DNAAF1: variants seen among roughly 807,000 people sequenced by gnomAD.
DNAAF1 encodes the protein dynein axonemal assembly factor 1.
Under a neutral mutation model 71.1 loss-of-function variants are expected in DNAAF1, and 65 were observed. That is an observed-to-expected ratio of 0.91 (90% CI 0.75 to 1.12). The LOEUF (loss-of-function observed/expected upper bound fraction) is 1.12, where lower values mean the gene tolerates loss of function less well. Ranked by LOEUF, DNAAF1 falls within the 50% of genes most tolerant of loss-of-function variation. The pLI is 0.00. For missense variants in DNAAF1, 1,178 were observed against 899.8 expected, an observed-to-expected ratio of 1.31 and a Z score of -3.96; for synonymous variants, 414 against 354.6, an observed-to-expected ratio of 1.17 and a Z score of -1.88.
intron 8 of DNAAF1, among the ~76,000 whole-genome samples, chr16:84,171,832 G>A (rs942411490): frequency 1.3e-5 from 2 of 151,810 alleles, no homozygotes; most frequent in Non-Finnish European, 2.9e-5. Context: ...GTGAGCTGCC[G>A]TGTTTGTCAT....
chr16:84,160,306 A>G (rs1035692211), intron 6 of DNAAF1, among the ~76,000 whole-genome samples: 1 of 152,144 alleles, frequency 6.6e-6, no homozygotes, highest in African/African-American at 2.4e-5. Context: ...CTCCTTTATG[A>G]ATATTCTGTC....
At chr16:84,175,040 G>C (rs993923637) in intron 10 of DNAAF1, among the ~76,000 whole-genome samples, 2 of 151,984 alleles carry the variant, frequency 1.3e-5, no homozygotes, top group African/African-American at 2.4e-5. Flanking sequence ...ATTTTTAGTA[G>C]AGATGGGGTT....
Position 84,154,682 on chromosome 16 carries a change from T to C in DNAAF1, c.458T>C (p.Leu153Ser), listed in dbSNP as rs771510433. The change falls in exon 4 of 12, where the codon TTG becomes TCG. Residue 153 changes from leucine to serine, a missense_variant. Leu to Ser is a moderately radical substitution (Grantham distance 145). Coordinates refer to ENST00000378553, the MANE Select transcript of DNAAF1 (RefSeq NM_178452.6). ...KIENLEAQTE[L>S]RCLFLQMNLL... is the part of the protein sequence containing the mutation. ...GAAAACCTGGAGGCCCAAACTGAGTTGCGTTGCCTCTTCTTGCAAATGAAC... is the reference window on the plus strand; with the variant it reads ...GAAAACCTGGAGGCCCAAACTGAGTCGCGTTGCCTCTTCTTGCAAATGAAC... 1.9e-6 allele frequency: 3 copies of C among 1,614,156 alleles called. No individual in the cohort carries two copies. The highest frequency in any genetic ancestry group is 2.5e-6 in the Non-Finnish European group (3 of 1,180,032).
intron 7 of DNAAF1, among the ~76,000 whole-genome samples, chr16:84,166,514 G>A (rs1258006485): frequency 6.6e-6 from 1 of 151,584 alleles, no homozygotes; most frequent in Non-Finnish European, 1.5e-5. Context: ...GACTACAGGT[G>A]TGCACCACCA....
intron 3 of DNAAF1, 58 bp downstream of exon 3, chr16:84,150,400 A>G: frequency 1.5e-6 from 2 of 1,368,686 alleles, no homozygotes; most frequent in Non-Finnish European, 1.0e-6. Flanking sequence ...GTCTAGCGGT[A>G]TAAAAAATTA....
At chr16:84,176,980 G>C (rs1405558084) in intron 11 of DNAAF1, 1 of 166,038 alleles carries the variant, frequency 6.0e-6, no homozygotes, top group African/African-American at 2.4e-5. Context: ...AAGCAAGCTG[G>C]GACTGTTTTT....
chr16:84,158,323 G>A (rs2087540357), intron 5 of DNAAF1, among the ~76,000 whole-genome samples: 1 of 152,210 alleles, frequency 6.6e-6, no homozygotes, highest in Non-Finnish European at 1.5e-5. Flanking sequence ...TTGGCTGGTA[G>A]ATGGCCGTCT....
chr16:84,177,720 C>T lies in DNAAF1; in HGVS notation c.2066-9C>T, dbSNP rs752793016. 6.8e-6 allele frequency: 11 copies of T among 1,612,306 alleles called. No individual in the cohort carries two copies. Among genetic ancestry groups the T allele is most frequent in the Non-Finnish European group, 9.3e-6 (11 of 1,178,630 alleles). On this transcript the variant is annotated splice_polypyrimidine_tract_variant and intron_variant, in intron 11 of 11. Transcript: ENST00000378553. Reference sequence around the variant, plus strand: ...AGGGAGAAAGCACAGGTCACCCTTCCTTCCACAGTGCCGACTGAGAGCGCC... The same window carrying T: ...AGGGAGAAAGCACAGGTCACCCTTCTTTCCACAGTGCCGACTGAGAGCGCC...
At chr16:84,159,614 A>G in intron 5 of DNAAF1, 61 bp from the exon 6 acceptor site, 1 of 1,554,892 alleles carries the variant, frequency 6.4e-7, no homozygotes, top group Non-Finnish European at 8.7e-7. Flanking sequence ...TGCACAGCAC[A>G]TATAAAATAA....
chr16:84,165,804 T>C lies in DNAAF1; in HGVS notation c.885T>C (p.Ala295=), dbSNP rs768328857. The change falls in exon 7 of 12, where the codon GCT becomes GCC. Residue 295 remains alanine, a synonymous_variant. Transcript: ENST00000378553. ...PKDRACAEAW[A]RGGYAAEKEE... ...ACAGAGCTTGTGCGGAGGCCTGGGC[T>C]AGGGGAGGGTACGCAGCTGAAAAGG... 1 of 1,613,566 alleles carries C rather than the reference T, an allele frequency of 6.2e-7. No homozygotes were observed. The highest frequency in any genetic ancestry group is 1.1e-5 in the South Asian group (1 of 91,064).
chr16:84,153,453 AAAGT>A (rs1322822156), intron 3 of DNAAF1, among the ~76,000 whole-genome samples: 1 of 152,228 alleles, frequency 6.6e-6, no homozygotes, highest in Non-Finnish European at 1.5e-5. Context: ...AGGATTTTAA[AAAGT>A]CTATCTATAC....
intron 6 of DNAAF1, among the ~76,000 whole-genome samples, chr16:84,161,552 A>G (rs1476709700): frequency 1.3e-5 from 2 of 152,082 alleles, no homozygotes; most frequent in Non-Finnish European, 1.5e-5. Context: ...TTTTGTAGAG[A>G]TGGGGGTCTC....
intron 5 of DNAAF1, chr16:84,159,247 T>C: frequency 9.3e-7 from 1 of 1,080,068 alleles, no homozygotes; most frequent in Non-Finnish European, 1.1e-6. Context: ...CCTTAGTCAC[T>C]GCTGCTTCTC....
At chr16:84,155,108 C>G (rs1284158071) in intron 4 of DNAAF1, among the ~76,000 whole-genome samples, 2 of 152,150 alleles carry the variant, frequency 1.3e-5, no homozygotes, top group Non-Finnish European at 2.9e-5. Flanking sequence ...CGGGGTTTCA[C>G]CGTGTTAGCC....
intron 4 of DNAAF1, among the ~76,000 whole-genome samples, chr16:84,155,009 T>A (rs1036431528): frequency 5.3e-5 from 8 of 151,414 alleles, no homozygotes; most frequent in Non-Finnish European, 8.8e-5. Flanking sequence ...CCCGGGTTCA[T>A]GCCATTCTCC....
intron 9 of DNAAF1, chr16:84,172,779 G>T: frequency 9.1e-7 from 1 of 1,094,708 alleles, no homozygotes; most frequent in African/African-American, 1.6e-5. Context: ...TTTATACATT[G>T]TATCTTTTCC....
intron 5 of DNAAF1, among the ~76,000 whole-genome samples, chr16:84,158,435 C>G (rs1198233318): frequency 6.6e-6 from 1 of 152,124 alleles, no homozygotes; most frequent in African/African-American, 2.4e-5. Context: ...ACGGCCCACC[C>G]TAATGGGCTC....
rs1346394650 is a variant in DNAAF1 at position 84,155,662 on chromosome 16, G to C, written c.654G>C (p.Glu218Asp). 1 of 1,614,190 alleles carries C rather than the reference G, an allele frequency of 6.2e-7. No individual in the cohort carries two copies. The highest frequency in any genetic ancestry group is 8.5e-7 in the Non-Finnish European group (1 of 1,180,040). The change falls in exon 5 of 12, where the codon GAG becomes GAC. Residue 218 changes from glutamate (E) to aspartate (D), a missense_variant. Coordinates refer to ENST00000378553, the MANE Select transcript of DNAAF1 (RefSeq NM_178452.6). Reference sequence around the variant, plus strand: ...TGGAGGACATTCAGCATCTACAAGAGTGTTTGAGGCTTTGTGTCCTTGACC... The same window carrying C: ...TGGAGGACATTCAGCATCTACAAGACTGTTTGAGGCTTTGTGTCCTTGACC... ...ETVEDIQHLQ[E>D]CLRLCVLDLS...
At chr16:84,157,856 T>C (rs1325124670) in intron 5 of DNAAF1, among the ~76,000 whole-genome samples, 2 of 152,160 alleles carry the variant, frequency 1.3e-5, no homozygotes, top group African/African-American at 2.4e-5. Context: ...CCCCCGTTTG[T>C]TCGTTTTTGT....
Sources: allele counts gnomAD v4.1 joint callset (sites outside exome capture counted in the v4.1 genomes callset), GRCh38; gene constraint gnomAD v4.1.1; transcripts MANE v1.5; gene names NCBI Gene and HGNC (gene_info 2026-07-23, HGNC 2026-07-21).